The following SLIT3 variants were observed in gnomAD, a reference collection of about 807,000 sequenced individuals.
The protein encoded by SLIT3 is slit homolog 3 protein.
A neutral mutation model predicts 184.0 loss-of-function variants in SLIT3; 68 were observed. The observed-to-expected ratio is 0.37, with a 90% CI of 0.30 to 0.45. SLIT3 has a LOEUF of 0.45. Ranked by LOEUF, SLIT3 falls within the 20% of genes least tolerant of loss-of-function variation. The probability of loss-of-function intolerance (pLI) is 1.00; values close to 1 mark genes in which losing one functional copy is unlikely to be tolerated. For missense variants in SLIT3, 1,707 were observed against 2,026.0 expected, an observed-to-expected ratio of 0.84 and a Z score of 3.02; for synonymous variants, 831 against 828.6, an observed-to-expected ratio of 1.00 and a Z score of -0.05.
chr5:168,969,403 C>A (rs141772535), intron 4 of SLIT3, among the ~76,000 whole-genome samples: 162 of 152,344 alleles, frequency 1.1e-3, no homozygotes, highest in Middle Eastern at 0.01. Flanking sequence ...CAGCGTTTAA[C>A]TGGACGAAAA....
In SLIT3 at chr5:169,210,444, A is replaced by C. The variant is rs114642125; in HGVS notation, c.342-16894T>G. 3.2e-3 allele frequency among the ~76,000 whole-genome samples: 495 copies of C among 152,350 alleles called. 2 individuals are homozygous for C. The highest frequency in any genetic ancestry group is 5.9e-3 in the Non-Finnish European group (404 of 68,036). ...GACTTAAAGTCAAATTAAAGAAAAT[A>C]ATTTGAGTAAAGGTGTTGCATGAAT... On this transcript the variant is annotated intron_variant, in intron 3 of 35. Coordinates refer to ENST00000519560, the MANE Select transcript of SLIT3 (RefSeq NM_003062.4).
intron 1 of SLIT3, chr5:169,263,675 G>A: frequency 2.0e-6 from 1 of 512,386 alleles, no homozygotes; most frequent in Admixed American, 2.1e-5. Flanking sequence ...TGCTAGGGCT[G>A]CCATAGCACA....
intron 4 of SLIT3, among the ~76,000 whole-genome samples, chr5:168,922,474 A>G (rs957632870): frequency 1.1e-4 from 17 of 151,576 alleles, no homozygotes; most frequent in African/African-American, 3.6e-4. Flanking sequence ...AAAAAAAAAA[A>G]AAGAAGTGGA....
intron 4 of SLIT3, among the ~76,000 whole-genome samples, chr5:169,032,373 T>C (rs150216512): frequency 2.0e-5 from 3 of 152,352 alleles, no homozygotes; most frequent in African/African-American, 7.2e-5. Flanking sequence ...TCTACCTTTT[T>C]TATGCTAGAA....
intron 6 of SLIT3, among the ~76,000 whole-genome samples, chr5:168,825,236 C>T (rs957041636): frequency 6.6e-6 from 1 of 152,056 alleles, no homozygotes; most frequent in African/African-American, 2.4e-5. Context: ...CTACTCCAAC[C>T]CCCATGGAAA....
At chr5:169,209,220 A>G (rs1561740227) in intron 3 of SLIT3, among the ~76,000 whole-genome samples, 2 of 152,240 alleles carry the variant, frequency 1.3e-5, no homozygotes, top group Non-Finnish European at 2.9e-5. Context: ...ATCACTGGTC[A>G]TTAGAGAAAT....
At chr5:169,249,218 T>G (rs1312438379) in intron 2 of SLIT3, among the ~76,000 whole-genome samples, 1 of 152,166 alleles carries the variant, frequency 6.6e-6, no homozygotes, top group Non-Finnish European at 1.5e-5. Context: ...TCTTTCACAG[T>G]AATAAAGGGC....
chr5:169,254,857 T>C (rs1765895246), intron 1 of SLIT3, among the ~76,000 whole-genome samples: 1 of 152,228 alleles, frequency 6.6e-6, no homozygotes, highest in Non-Finnish European at 1.5e-5. Context: ...CATCTGGTTA[T>C]AACTTATGAG....
chr5:168,749,766 A>C, intron 18 of SLIT3, 131 bp from the exon 19 acceptor site: 2 of 881,758 alleles, frequency 2.3e-6, no homozygotes, highest in Non-Finnish European at 3.5e-6. Flanking sequence ...GCTCTTCCCC[A>C]GATGCAGTCT....
At chr5:169,270,627 T>C (rs1007373324) in intron 1 of SLIT3, among the ~76,000 whole-genome samples, 5 of 152,136 alleles carry the variant, frequency 3.3e-5, no homozygotes, top group African/African-American at 1.2e-4. Flanking sequence ...ATGTATGACA[T>C]GGCTGTCTGC....
At chr5:168,768,227 C>A in intron 14 of SLIT3, 1 of 516,402 alleles carries the variant, frequency 1.9e-6, no homozygotes. Flanking sequence ...TTAGATCAAG[C>A]ACAAAGGAAA....
chr5:169,142,120 T>G (rs888155695), intron 4 of SLIT3, among the ~76,000 whole-genome samples: 2 of 149,308 alleles, frequency 1.3e-5, no homozygotes, highest in African/African-American at 4.9e-5. Flanking sequence ...AATAAATAAA[T>G]AAAGTCAGGT....
chr5:169,061,475 C>T (rs1758171621), intron 4 of SLIT3, among the ~76,000 whole-genome samples: 1 of 152,202 alleles, frequency 6.6e-6, no homozygotes, highest in Non-Finnish European at 1.5e-5. Flanking sequence ...AGCTGCCCCT[C>T]GGCTCCCTAC....
chr5:168,844,609 G>T lies in SLIT3; in HGVS notation c.532C>A (p.Arg178=), dbSNP rs758788044. The T allele has an allele frequency of 6.2e-7, 1 of 1,614,172 alleles. No homozygotes were observed. Among genetic ancestry groups the T allele is most frequent in the East Asian group, 2.2e-5 (1 of 44,874 alleles). Residue 178 remains arginine (R), a synonymous_variant, in exon 6 of 36, where the codon CGA becomes AGA. Transcript: ENST00000519560. ...AGGATCTCCAAATCGCGCAGCGCTCGGAAGGCTCCATCTTCAATGCAGCTG... is the reference window on the plus strand; with the variant it reads ...AGGATCTCCAAATCGCGCAGCGCTCTGAAGGCTCCATCTTCAATGCAGCTG... ...HISCIEDGAF[R]ALRDLEILTL...
intron 4 of SLIT3, among the ~76,000 whole-genome samples, chr5:169,187,111 GTTTTTT>G (rs761501769): frequency 1.1e-5 from 1 of 94,418 alleles, no homozygotes; most frequent in Non-Finnish European, 1.9e-5. Context: ...GCAGCTATAG[GTTTTTT>G]TTTTTTTTTT....
At chr5:169,248,669 C>T (rs943835184) in intron 2 of SLIT3, among the ~76,000 whole-genome samples, 29 of 152,114 alleles carry the variant, frequency 1.9e-4, no homozygotes, top group African/African-American at 6.8e-4. Flanking sequence ...TCGGAAATCG[C>T]CCCCCATGTG....
intron 23 of SLIT3, among the ~76,000 whole-genome samples, chr5:168,721,077 AC>A (rs1229406267): frequency 6.6e-6 from 1 of 152,218 alleles, no homozygotes; most frequent in East Asian, 1.9e-4. Flanking sequence ...AAAAGGTTAG[AC>A]GAAGAAAACT....
chr5:168,871,625 G>C (rs1043113501), intron 5 of SLIT3, among the ~76,000 whole-genome samples: 2 of 152,076 alleles, frequency 1.3e-5, no homozygotes, highest in African/African-American at 4.8e-5. Context: ...TCATTTCAGA[G>C]CCAGGAAACT....
chr5:168,938,103 C>T (rs1762218547), intron 4 of SLIT3, among the ~76,000 whole-genome samples: 1 of 152,142 alleles, frequency 6.6e-6, no homozygotes, highest in Non-Finnish European at 1.5e-5. Context: ...TATATCACAA[C>T]AATTTTCTGA....
Sources: allele counts gnomAD v4.1 joint callset (sites outside exome capture counted in the v4.1 genomes callset), GRCh38; gene constraint gnomAD v4.1.1; transcripts MANE v1.5; gene names NCBI Gene and HGNC (gene_info 2026-07-23, HGNC 2026-07-21).